Variants in TENM2 observed in about 807,000 individuals in gnomAD.
TENM2 encodes the protein teneurin transmembrane protein 2, also known as teneurin-2.
In TENM2, 52 loss-of-function variants were observed where a neutral mutation model predicts 245.2. That is an observed-to-expected ratio of 0.21 (90% CI 0.17 to 0.27). The LOEUF (loss-of-function observed/expected upper bound fraction) is 0.27, where lower values mean the gene tolerates loss of function less well. Ranked by LOEUF, TENM2 falls within the 10% of genes least tolerant of loss-of-function variation. The pLI is 1.00. For missense variants in TENM2, 3,046 were observed against 3,666.8 expected, an observed-to-expected ratio of 0.83 and a Z score of 4.37; for synonymous variants, 1,363 against 1,438.9, an observed-to-expected ratio of 0.95 and a Z score of 1.19.
intron 2 of TENM2, among the ~76,000 whole-genome samples, chr5:167,796,266 C>T (rs920357853): frequency 1.3e-5 from 2 of 152,142 alleles, no homozygotes; most frequent in African/African-American, 2.4e-5. Context: ...CTGCCTCTGA[C>T]CCAAAACACC....
chr5:167,090,364 G>A, the TENM2 span, among the ~76,000 whole-genome samples: 1 of 151,464 alleles, frequency 6.6e-6, no homozygotes, highest in African/African-American at 2.4e-5. Context: ...GCCAAAGAAA[G>A]TAGCTGCTTC....
Position 167,996,719 on chromosome 5 carries a change from T to TTTGTTTG in TENM2, c.1186+3539_1186+3540insGTTTGTT, listed in dbSNP as rs113308061. ...TAGAAGCATTTCCATTTGAATCACTTTTTGTTTGTTTGTTTGTTTGTTTGT... is the reference window on the plus strand; with the variant it reads ...TAGAAGCATTTCCATTTGAATCACTTTTGTTTGTTTGTTTGTTTGTTTGTTTGTTTGT... On this transcript the variant is annotated intron_variant, in intron 5 of 28. Transcript: ENST00000518659. 9.5e-3 allele frequency among the ~76,000 whole-genome samples: 1,440 copies of TTTGTTTG among 150,986 alleles called. 7 individuals are homozygous for TTTGTTTG. Among genetic ancestry groups the TTTGTTTG allele is most frequent in the Admixed American group, 0.015 (223 of 15,126 alleles).
At chr5:167,698,679 G>GTTTTT (rs1225922111) in intron 2 of TENM2, among the ~76,000 whole-genome samples, 100 of 97,736 alleles carry the variant, frequency 1.0e-3, no homozygotes, top group African/African-American at 3.2e-3. Flanking sequence ...TTTGTTTTTT[G>GTTTTT]TTTTTTTTTT....
chr5:167,921,955 A>G (rs1437717725), intron 3 of TENM2, among the ~76,000 whole-genome samples: 1 of 152,204 alleles, frequency 6.6e-6, no homozygotes, highest in Non-Finnish European at 1.5e-5. Context: ...AGGATGCACA[A>G]TCACACTTAT....
intron 2 of TENM2, among the ~76,000 whole-genome samples, chr5:167,559,826 A>C (rs1364630689): frequency 6.6e-6 from 1 of 152,226 alleles, no homozygotes; most frequent in Non-Finnish European, 1.5e-5. Flanking sequence ...TTCAATGGGT[A>C]GGTGTTTTCG....
intron 2 of TENM2, among the ~76,000 whole-genome samples, chr5:167,761,779 T>C (rs1249154960): frequency 2.6e-5 from 4 of 152,146 alleles, no homozygotes; most frequent in African/African-American, 4.8e-5. Flanking sequence ...TCCCCAAGCT[T>C]CTGAGCAGCT....
chr5:167,610,508 G>A (rs1048156376), intron 2 of TENM2, among the ~76,000 whole-genome samples: 3 of 152,038 alleles, frequency 2.0e-5, no homozygotes, highest in Non-Finnish European at 2.9e-5. Flanking sequence ...GCAAACAAAA[G>A]ACCCTCATCA....
intron 2 of TENM2, among the ~76,000 whole-genome samples, chr5:167,420,729 C>T (rs770531452): frequency 1.2e-4 from 18 of 152,184 alleles, no homozygotes; most frequent in Non-Finnish European, 2.2e-4. Context: ...CGTCTTTTTC[C>T]GACAGCACCA....
At chr5:167,737,938 T>C (rs1760914271) in intron 2 of TENM2, among the ~76,000 whole-genome samples, 1 of 152,236 alleles carries the variant, frequency 6.6e-6, no homozygotes, top group Non-Finnish European at 1.5e-5. Context: ...GGCACTGAGC[T>C]GATCCCTATC....
the TENM2 span, among the ~76,000 whole-genome samples, chr5:167,101,934 A>G: frequency 8.1e-6 from 1 of 123,164 alleles, no homozygotes; most frequent in East Asian, 2.3e-4. Context: ...TTATATATAT[A>G]TATATTTTTT....
At chr5:167,129,575 C>G in the TENM2 span, among the ~76,000 whole-genome samples, 1 of 152,196 alleles carries the variant, frequency 6.6e-6, no homozygotes, top group Admixed American at 6.5e-5. Flanking sequence ...AGCCTCTCCT[C>G]TGATCTTGCA....
At chr5:167,842,571 A>C in intron 2 of TENM2, among the ~76,000 whole-genome samples, 1 of 119,410 alleles carries the variant, frequency 8.4e-6, no homozygotes. Flanking sequence ...AATGGACCAG[A>C]CTCCATGTCA....
At chr5:167,374,714 G>A (rs990990996) in intron 1 of TENM2, among the ~76,000 whole-genome samples, 8 of 152,102 alleles carry the variant, frequency 5.3e-5, no homozygotes, top group South Asian at 4.2e-4. Flanking sequence ...CAGGTATTGC[G>A]ACCATCAAGA....
rs184148818 is a variant in TENM2 at position 167,673,907 on chromosome 5, G to A, written c.503-202079G>A. 5.3e-5 allele frequency among the ~76,000 whole-genome samples: 8 copies of A among 152,116 alleles called. No individual in the cohort carries two copies. The East Asian group carries it at 1.5e-3, about 29-fold the overall frequency. Reference sequence around the variant, plus strand: ...TGCAGACTCTTTTGTGTCTATAACGGCTCTTATTTTTCCAGCAACTGGGAG... The same window carrying A: ...TGCAGACTCTTTTGTGTCTATAACGACTCTTATTTTTCCAGCAACTGGGAG... On this transcript the variant is annotated intron_variant, in intron 2 of 28. Transcript: ENST00000518659.
chr5:167,766,253 G>A lies in TENM2; in HGVS notation c.503-109733G>A, dbSNP rs147585988. Among the ~76,000 whole-genome samples, 28 of 152,102 alleles carry A rather than the reference G, an allele frequency of 1.8e-4. No homozygotes were observed. In the South Asian group the frequency reaches 3.7e-3, roughly 20 times the overall value. ...TCATGGCAAAGGAATTAATATGTGC[G>A]AGTATTCTAAGCTGGGGAAAAATTT... On this transcript the variant is annotated intron_variant, in intron 2 of 28. Coordinates refer to ENST00000518659, the Ensembl canonical transcript of TENM2.
At chr5:167,580,468 A>G (rs1219780535) in intron 2 of TENM2, among the ~76,000 whole-genome samples, 2 of 152,232 alleles carry the variant, frequency 1.3e-5, no homozygotes, top group Non-Finnish European at 2.9e-5. Flanking sequence ...CATTTTAGTC[A>G]TTAACTGGGT....
At chr5:167,925,446 T>C (rs990763233) in intron 3 of TENM2, among the ~76,000 whole-genome samples, 19 of 152,210 alleles carry the variant, frequency 1.2e-4, no homozygotes, top group African/African-American at 4.6e-4. Flanking sequence ...AGCCGATAGT[T>C]ACATGGGTAT....
At chr5:167,083,137 C>T in the TENM2 span, among the ~76,000 whole-genome samples, 2 of 152,094 alleles carry the variant, frequency 1.3e-5, no homozygotes, top group Non-Finnish European at 2.9e-5. Context: ...CACTAGAAAG[C>T]AGTGCAAATG....
intron 2 of TENM2, among the ~76,000 whole-genome samples, chr5:167,775,736 A>G (rs556377053): frequency 2.0e-5 from 3 of 152,248 alleles, no homozygotes; most frequent in African/African-American, 4.8e-5. Context: ...AGACTGGGAG[A>G]GAAACAGGCA....
Sources: allele counts gnomAD v4.1 joint callset (sites outside exome capture counted in the v4.1 genomes callset), GRCh38; gene constraint gnomAD v4.1.1; transcripts MANE v1.5; gene names NCBI Gene and HGNC (gene_info 2026-07-23, HGNC 2026-07-21).